The following SRCIN1 variants were observed in gnomAD, a reference collection of about 807,000 sequenced individuals.
SRCIN1 encodes the protein SRC kinase signaling inhibitor 1.
In SRCIN1, 50 loss-of-function variants were observed where a neutral mutation model predicts 116.2. That is an observed-to-expected ratio of 0.43 (90% CI 0.34 to 0.54). The LOEUF (loss-of-function observed/expected upper bound fraction) is 0.54, where lower values mean the gene tolerates loss of function less well. SRCIN1 is among the 20% of genes least tolerant of loss of function. The pLI, the probability that SRCIN1 is intolerant of heterozygous loss-of-function variation, is 0.02. For synonymous variants in SRCIN1, 736 were observed against 750.0 expected (o/e 0.98, Z 0.30); for missense variants, 1,446 against 1,672.0 (o/e 0.86, Z 2.36).
chr17:38,598,988 AGTGT>A (rs140186252), intron 1 of SRCIN1, among the ~76,000 whole-genome samples: 1,613 of 151,756 alleles, frequency 0.011, 11 homozygotes, highest in Middle Eastern at 0.017. Context: ...GTAAGGCATG[AGTGT>A]GTGTGTGTAT....
chr17:38,536,445 G>C (rs146417963), intron 18 of SRCIN1, among the ~76,000 whole-genome samples: 76 of 152,368 alleles, frequency 5.0e-4, no homozygotes, highest in African/African-American at 1.7e-3. Flanking sequence ...GCTTTCAGCT[G>C]GGGGAGGCAT....
intron 1 of SRCIN1, among the ~76,000 whole-genome samples, chr17:38,586,300 G>A (rs544120130): frequency 3.7e-4 from 56 of 152,296 alleles, no homozygotes; most frequent in African/African-American, 1.3e-3. Context: ...CGTGGGCCCT[G>A]CCCACTCCCT....
chr17:38,555,608 T>A (rs971913819), intron 11 of SRCIN1, among the ~76,000 whole-genome samples: 2 of 152,226 alleles, frequency 1.3e-5, no homozygotes, highest in African/African-American at 4.8e-5. Context: ...GATATTCAGA[T>A]ATTCAAAGAG....
At chr17:38,605,605 G>C (rs1909315366) in intron 1 of SRCIN1, 79 bp downstream of exon 1, 9 of 1,224,536 alleles carry the variant, frequency 7.3e-6, no homozygotes, top group Non-Finnish European at 9.7e-6. Context: ...CGGCCGAGGG[G>C]GAAAACACAC....
intron 17 of SRCIN1, chr17:38,547,669 T>G: frequency 3.9e-6 from 1 of 253,596 alleles, no homozygotes; most frequent in Non-Finnish European, 8.0e-6. Flanking sequence ...GTGACTGGCG[T>G]TTTAGCGGGT....
intron 1 of SRCIN1, among the ~76,000 whole-genome samples, chr17:38,582,600 C>G (rs1229610832): frequency 6.6e-6 from 1 of 152,076 alleles, no homozygotes; most frequent in African/African-American, 2.4e-5. Context: ...CGGGCAGGAG[C>G]TAGATACTAA....
rs772522491 is a variant in SRCIN1, at chr17:38,559,684, A to G, written c.1926T>C (p.Pro642=). The change falls in exon 10 of 19, where the codon CCT becomes CCC. Residue 642 remains proline (P), a synonymous_variant. Coordinates refer to ENST00000617146, the MANE Select transcript of SRCIN1 (RefSeq NM_025248.3). ...PSASSTPAGQ[P]TAVSRLQMQL... Reference sequence around the variant, plus strand: ...GCATCTGCAGCCGGCTAACGGCGGTAGGCTGACCTGCGGGGGTGCTGCTGG... The same window carrying G: ...GCATCTGCAGCCGGCTAACGGCGGTGGGCTGACCTGCGGGGGTGCTGCTGG... 12 of 1,590,844 alleles carry G rather than the reference A, an allele frequency of 7.5e-6. No individual in the cohort carries two copies. Among genetic ancestry groups the G allele is most frequent in the Non-Finnish European group, 1.0e-5 (12 of 1,173,354 alleles).
chr17:38,601,298 C>G (rs776545304), intron 1 of SRCIN1, among the ~76,000 whole-genome samples: 1 of 152,170 alleles, frequency 6.6e-6, no homozygotes, highest in Non-Finnish European at 1.5e-5. Context: ...TATAACATTG[C>G]AAAGGGGCCC....
Position 38,558,528 on chromosome 17 carries a change from C to T in SRCIN1, c.2026-126G>A, listed in dbSNP as rs1597900293. On this transcript the variant is annotated intron_variant, in intron 10 of 18. Transcript: ENST00000617146. The surrounding 1 kb of genome is among the most constrained non-coding windows in gnomAD (Gnocchi z 4.6). Reference sequence around the variant, plus strand: ...CGGGGCTCTGCAGAAGAAGCGGCTGCTTGGCTCCGCCTCAGGCAGCAGCGA... The same window carrying T: ...CGGGGCTCTGCAGAAGAAGCGGCTGTTTGGCTCCGCCTCAGGCAGCAGCGA... 2 of 1,096,116 alleles carry T rather than the reference C, an allele frequency of 1.8e-6. No homozygotes were observed. The highest frequency in any genetic ancestry group is 5.8e-5 in the East Asian group (2 of 34,214). The allele number at this position is 1,096,116 out of a possible 1,614,324, so 67.9% of individuals were successfully genotyped here.
intron 1 of SRCIN1, among the ~76,000 whole-genome samples, chr17:38,601,576 A>T (rs1389633826): frequency 1.3e-5 from 2 of 152,008 alleles, no homozygotes; most frequent in Non-Finnish European, 2.9e-5. Context: ...GCCCAATGTC[A>T]GGGCAAGGTG....
chr17:38,603,965 T>C (rs962897192), intron 1 of SRCIN1, among the ~76,000 whole-genome samples: 1 of 151,930 alleles, frequency 6.6e-6, no homozygotes, highest in African/African-American at 2.4e-5. Context: ...AAATGCACCA[T>C]AGCTGCTCCC....
Position 38,533,257 on chromosome 17 carries a change from T to C in SRCIN1, c.*40A>G, listed in dbSNP as rs1395006160. The C allele has an allele frequency of 7.4e-7, 1 of 1,352,102 alleles. No homozygotes were observed. The highest frequency in any genetic ancestry group is 3.2e-5 in the East Asian group (1 of 31,736). 83.8% of individuals were successfully genotyped at this position (1,352,102 alleles called of 1,614,324 possible). ...GAAGAGAGGGGAGAAATGGCAGGAG[T>C]GAGGGAGGGGGACAGGCGGGGCAGC... On this transcript the variant is annotated 3_prime_UTR_variant, in exon 19 of 19. Transcript: ENST00000617146.
rs1289311826 is a variant in SRCIN1, at chr17:38,552,871, G to A, written c.2202-16C>T. 37 of 1,610,866 alleles carry A rather than the reference G, an allele frequency of 2.3e-5. No individual in the cohort carries two copies. The highest frequency in any genetic ancestry group is 3.1e-5 in the Non-Finnish European group (36 of 1,178,498). On this transcript the variant is annotated splice_polypyrimidine_tract_variant and intron_variant, in intron 11 of 18. Coordinates refer to ENST00000617146, the MANE Select transcript of SRCIN1 (RefSeq NM_025248.3). This position sits in a 1 kb window ranked among gnomAD's most constrained non-coding sequence, Gnocchi z 5.3. ...CTCCAGGTCACTGCAGCCACAGAGA[G>A]ACCCTTTCAGCCCTTTTGGCCTGAG...
chr17:38,562,877 G>T lies in SRCIN1; in HGVS notation c.784C>A (p.Pro262Thr). Residue 262 changes from proline to threonine, a missense_variant, in exon 6 of 19, where the codon CCC (proline) becomes ACC (threonine). By Grantham distance (38) the Pro-to-Thr change is conservative. Coordinates refer to ENST00000617146, the MANE Select transcript of SRCIN1 (RefSeq NM_025248.3). This position sits in a 1 kb window ranked among gnomAD's most constrained non-coding sequence, Gnocchi z 4.2. ...RSIIKIYRKE[P>T]LYAAFPGSHL... ...GAGCCAGGGAAGGCAGCGTAGAGGG[G>T]CTCCTTTCTGTAGATCTTGATAATA... 6.2e-7 allele frequency: 1 copy of T among 1,613,818 alleles called. No homozygotes were observed. Among genetic ancestry groups the T allele is most frequent in the Non-Finnish European group, 8.5e-7 (1 of 1,179,838 alleles).
intron 15 of SRCIN1, among the ~76,000 whole-genome samples, chr17:38,550,302 G>A (rs1015764721): frequency 5.3e-5 from 8 of 152,232 alleles, no homozygotes; most frequent in South Asian, 2.1e-4. Context: ...AGACCATCCT[G>A]GCTAACACGG....
rs759557289 is a variant in SRCIN1 at position 38,551,181 on chromosome 17, G to A, written c.2936C>T (p.Thr979Met). The A allele has an allele frequency of 6.0e-5, 95 of 1,579,574 alleles. 1 individual carries two copies. In the Admixed American group the frequency reaches 8.9e-4, roughly 15 times the overall value. ...APHGQKAAPR[T>M]EPSGRRGSDE... ...TGAGCCCCTCCTCCCACTGGGCTCCGTTCGGGGGGCTGCCTTCTGGCCGTG... is the reference window on the plus strand; with the variant it reads ...TGAGCCCCTCCTCCCACTGGGCTCCATTCGGGGGGCTGCCTTCTGGCCGTG... The change falls in exon 15 of 19, where the codon ACG (threonine) becomes ATG (methionine). Residue 979 changes from threonine (T) to methionine (M), a missense_variant. Transcript: ENST00000617146.
rs978291094 is a variant in SRCIN1 at position 38,585,484 on chromosome 17, T to C, written c.23-6693A>G. Among the ~76,000 whole-genome samples, 1 of 152,116 alleles carries C rather than the reference T, an allele frequency of 6.6e-6. No homozygotes were observed. The highest frequency in any genetic ancestry group is 2.4e-5 in the African/African-American group (1 of 41,404). On this transcript the variant is annotated intron_variant, in intron 1 of 18. Coordinates refer to ENST00000617146, the MANE Select transcript of SRCIN1 (RefSeq NM_025248.3). This position sits in a 1 kb window ranked among gnomAD's most constrained non-coding sequence, Gnocchi z 4.2. ...AAGGTCAACCGGGACCAGATATGTA[T>C]CAAACTAGGCAGAGGCTCTGGGAAC...
intron 1 of SRCIN1, among the ~76,000 whole-genome samples, chr17:38,593,194 T>G (rs1908533363): frequency 6.6e-6 from 1 of 151,520 alleles, no homozygotes. Context: ...GGAGCAGGAA[T>G]GGGAGGTGAT....
At chr17:38,536,223 C>T (rs950535654) in intron 18 of SRCIN1, among the ~76,000 whole-genome samples, 1 of 152,250 alleles carries the variant, frequency 6.6e-6, no homozygotes, top group African/African-American at 2.4e-5. Context: ...ACACCATCCA[C>T]AATCCACTCT....
Sources: gnomAD v4.1 joint callset for allele counts (sites outside exome capture counted in the v4.1 genomes callset) on GRCh38, gnomAD v4.1.1 for gene constraint, Gnocchi (gnomAD v3.1) non-coding constraint, MANE v1.5 for transcripts, NCBI Gene and HGNC (gene_info 2026-07-23, HGNC 2026-07-21) for gene names.